HSD17B4: variants seen among roughly 807,000 people sequenced by gnomAD.
HSD17B4 encodes hydroxysteroid 17-beta dehydrogenase 4.
Under a neutral mutation model 101.0 loss-of-function variants are expected in HSD17B4, and 70 were observed. The ratio of observed to expected loss-of-function variants is 0.69; its 90% CI spans 0.57 to 0.85. The LOEUF is 0.85. Ranked by LOEUF, HSD17B4 falls within the 40% of genes least tolerant of loss-of-function variation. HSD17B4 has a pLI of 0.00. For synonymous variants in HSD17B4, 347 were observed against 297.1 expected, an observed-to-expected ratio of 1.17 and a Z score of -1.73; for missense variants, 984 against 892.4, an observed-to-expected ratio of 1.10 and a Z score of -1.31.
At chr5:119,496,698 C>A in intron 12 of HSD17B4, 52 bp downstream of exon 12, 1 of 921,956 alleles carries the variant, frequency 1.1e-6, no homozygotes, top group Non-Finnish European at 1.8e-6. Flanking sequence ...ACTTTCCCTC[C>A]CTTCTTCCCT....
Position 119,529,897 on chromosome 5 carries a change from C to G in HSD17B4, c.1771C>G (p.Gln591Glu), listed in dbSNP as rs1753911673. ...TTTTTTTTCTTCTCCTCCTAAGGTCCAAGAAACTGGAGACATTGTCATTTC... is the reference window on the plus strand; with the variant it reads ...TTTTTTTTCTTCTCCTCCTAAGGTCGAAGAAACTGGAGACATTGTCATTTC... ...GNRIHFQTKV[Q>E]ETGDIVISNA... Residue 591 changes from glutamine to glutamate, a missense_variant, in exon 21 of 24, where the codon CAA (glutamine) becomes GAA (glutamate). Transcript: ENST00000510025. 2 of 1,591,196 alleles carry G rather than the reference C, an allele frequency of 1.3e-6. No homozygotes were observed. Among genetic ancestry groups the G allele is most frequent in the African/African-American group, 2.7e-5 (2 of 74,224 alleles).
At chr5:119,536,675 C>T (rs939614702) in intron 23 of HSD17B4, 125 bp downstream of exon 23, 9 of 838,196 alleles carry the variant, frequency 1.1e-5, no homozygotes, top group South Asian at 5.7e-5. Context: ...GAAGATGACA[C>T]AGTTGCTACT....
At chr5:119,525,127 A>G in intron 17 of HSD17B4, 89 bp from the exon 18 acceptor site, 1 of 836,724 alleles carries the variant, frequency 1.2e-6, no homozygotes, top group Non-Finnish European at 2.1e-6. Flanking sequence ...TACAATGCTT[A>G]TACCAATAAC....
intron 6 of HSD17B4, chr5:119,476,720 C>T: frequency 2.0e-6 from 2 of 985,240 alleles, no homozygotes; most frequent in Non-Finnish European, 2.4e-6. Flanking sequence ...TGCAACGGGA[C>T]TGAGGTATTT....
chr5:119,477,569 A>C (rs1748707387), intron 7 of HSD17B4, 68 bp downstream of exon 7: 1 of 1,004,664 alleles, frequency 1.0e-6, no homozygotes, highest in African/African-American at 1.6e-5. Context: ...TGTACAGGGA[A>C]AGATTATGTG....
intron 10 of HSD17B4, chr5:119,492,919 AAGG>A (rs1750245880): frequency 6.6e-6 from 1 of 152,108 alleles, no homozygotes; most frequent in Admixed American, 6.6e-5. Flanking sequence ...AATCAGTTAA[AAGG>A]TTGCTATCTC....
intron 2 of HSD17B4, among the ~76,000 whole-genome samples, chr5:119,469,579 TC>T (rs1477531509): frequency 6.6e-6 from 1 of 152,180 alleles, no homozygotes; most frequent in Non-Finnish European, 1.5e-5. Flanking sequence ...GGTCTCAAAC[TC>T]CTGACCTCAA....
intron 2 of HSD17B4, among the ~76,000 whole-genome samples, chr5:119,462,237 C>G (rs1325173708): frequency 7.1e-6 from 1 of 141,722 alleles, no homozygotes; most frequent in Non-Finnish European, 1.5e-5. Context: ...TATCCTCCCC[C>G]AACAAATGTG....
intron 2 of HSD17B4, among the ~76,000 whole-genome samples, chr5:119,472,122 T>C (rs1756433027): frequency 6.6e-6 from 1 of 152,200 alleles, no homozygotes; most frequent in Non-Finnish European, 1.5e-5. Flanking sequence ...CTGTATGTAA[T>C]TTTTGACCTC....
At chr5:119,513,382 CTTTG>C (rs930800323) in intron 16 of HSD17B4, among the ~76,000 whole-genome samples, 1 of 151,878 alleles carries the variant, frequency 6.6e-6, no homozygotes, top group African/African-American at 2.4e-5. Context: ...TGTTCTTTTT[CTTTG>C]TTCTTTTTTC....
intron 8 of HSD17B4, among the ~76,000 whole-genome samples, chr5:119,482,317 A>G (rs1417638418): frequency 6.6e-6 from 1 of 151,428 alleles, no homozygotes; most frequent in Non-Finnish European, 1.5e-5. Flanking sequence ...TTTTTTTTAG[A>G]GTTTTATCTC....
intron 17 of HSD17B4, among the ~76,000 whole-genome samples, chr5:119,524,615 C>G (rs1459400447): frequency 6.6e-6 from 1 of 152,116 alleles, no homozygotes; most frequent in Non-Finnish European, 1.5e-5. Context: ...CTATTGTTAT[C>G]CAGGCCACGC....
chr5:119,475,926 G>T, intron 6 of HSD17B4, 56 bp downstream of exon 6: 2 of 1,295,784 alleles, frequency 1.5e-6, no homozygotes, highest in Non-Finnish European at 2.2e-6. Flanking sequence ...AGCCTTTTTA[G>T]TATTTGATAA....
In HSD17B4 at chr5:119,452,545, G is replaced by A. The variant is rs765443667; in HGVS notation, c.-31G>A. 6.2e-7 allele frequency: 1 copy of A among 1,613,854 alleles called. No homozygotes were observed. Among genetic ancestry groups the A allele is most frequent in the Non-Finnish European group, 8.5e-7 (1 of 1,179,992 alleles). Reference sequence around the variant, plus strand: ...CAGTCGGCGTCCAGCGGCTCTGCTTGTTCGTGTGTGTGTCGTTGCAGGCCT... The same window carrying A: ...CAGTCGGCGTCCAGCGGCTCTGCTTATTCGTGTGTGTGTCGTTGCAGGCCT... On this transcript the variant is annotated 5_prime_UTR_variant, in exon 1 of 24. Transcript: ENST00000510025.
At chr5:119,527,383 A>C (rs1753700755) in intron 20 of HSD17B4, among the ~76,000 whole-genome samples, 164 bp downstream of exon 20, 1 of 152,034 alleles carries the variant, frequency 6.6e-6, no homozygotes, top group African/African-American at 2.4e-5. Flanking sequence ...ATTTTTATTT[A>C]TCAGGCAACA....
At chr5:119,514,633 A>G (rs184556323) in intron 16 of HSD17B4, among the ~76,000 whole-genome samples, 1 of 152,342 alleles carries the variant, frequency 6.6e-6, no homozygotes, top group East Asian at 1.9e-4. Flanking sequence ...TTAAAGACTG[A>G]ATCAATTTAG....
intron 2 of HSD17B4, among the ~76,000 whole-genome samples, chr5:119,462,248 ATTTTTTTTTTTTT>A (rs10524491): frequency 5.4e-3 from 162 of 30,000 alleles, no homozygotes; most frequent in Non-Finnish European, 6.8e-3. Context: ...AACAAATGTG[ATTTTTTTTTTTTT>A]TTTTTTTTTT....
chr5:119,506,280 T>C (rs562283384), intron 14 of HSD17B4, among the ~76,000 whole-genome samples: 2 of 152,188 alleles, frequency 1.3e-5, no homozygotes, highest in African/African-American at 4.8e-5. Flanking sequence ...GATTTTCTGA[T>C]CTTGTGATAG....
chr5:119,456,589 G>A (rs1754695582), intron 2 of HSD17B4: 4 of 546,440 alleles, frequency 7.3e-6, no homozygotes, highest in Middle Eastern at 5.1e-4. Flanking sequence ...AATTGATAAC[G>A]AAGGGCTAGG....
Sources: gnomAD v4.1 joint callset for allele counts (sites outside exome capture counted in the v4.1 genomes callset) on GRCh38, gnomAD v4.1.1 for gene constraint, MANE v1.5 for transcripts, NCBI Gene and HGNC (gene_info 2026-07-23, HGNC 2026-07-21) for gene names.